Variants in GRID2 observed in about 807,000 individuals in gnomAD.
GRID2 encodes glutamate ionotropic receptor delta type subunit 2.
GRID2 carries 33 observed loss-of-function variants against 114.8 expected under a neutral mutation model. That is an observed-to-expected ratio of 0.29 (90% CI 0.22 to 0.38). GRID2 has a LOEUF of 0.38. Among genes scored for constraint, GRID2 ranks in the 10% least tolerant of loss-of-function variants. The pLI is 1.00. For synonymous variants in GRID2, 505 were observed against 449.9 expected, an observed-to-expected ratio of 1.12 and a Z score of -1.55; for missense variants, 1,184 against 1,257.7, an observed-to-expected ratio of 0.94 and a Z score of 0.89.
intron 14 of GRID2, among the ~76,000 whole-genome samples, chr4:93,673,020 G>A (rs1424774021): frequency 4.6e-5 from 7 of 152,144 alleles, no homozygotes; most frequent in East Asian, 3.9e-4. Flanking sequence ...ATTTATCAGC[G>A]GTAGAACCAA....
intron 8 of GRID2, among the ~76,000 whole-genome samples, chr4:93,300,899 C>A (rs1754804060): frequency 6.6e-6 from 1 of 152,132 alleles, no homozygotes. Flanking sequence ...CAGAGAGAAA[C>A]AGAACAGGGC....
chr4:93,073,508 C>T (rs1449113854), intron 2 of GRID2, among the ~76,000 whole-genome samples: 1 of 152,056 alleles, frequency 6.6e-6, no homozygotes, highest in East Asian at 1.9e-4. Context: ...GGCTATTGAT[C>T]GTTAAGTTTT....
intron 3 of GRID2, among the ~76,000 whole-genome samples, chr4:93,105,444 T>G (rs1021314982): frequency 2.0e-5 from 3 of 152,202 alleles, no homozygotes; most frequent in Non-Finnish European, 4.4e-5. Context: ...GTTTTAGGTC[T>G]AACGTTTAAG....
intron 10 of GRID2, among the ~76,000 whole-genome samples, chr4:93,446,416 T>C (rs1162093434): frequency 6.6e-6 from 1 of 152,004 alleles, no homozygotes; most frequent in African/African-American, 2.4e-5. Context: ...AATACCAGAA[T>C]AGGAAGAACT....
intron 14 of GRID2, among the ~76,000 whole-genome samples, chr4:93,630,348 G>T (rs1321478439): frequency 1.3e-5 from 2 of 152,090 alleles, no homozygotes; most frequent in Admixed American, 6.6e-5. Flanking sequence ...CTCATTAAAG[G>T]CATTCAAGAA....
chr4:93,448,311 C>T (rs1307721139), intron 10 of GRID2, among the ~76,000 whole-genome samples: 1 of 151,532 alleles, frequency 6.6e-6, no homozygotes, highest in Non-Finnish European at 1.5e-5. Flanking sequence ...AATAAAAGTG[C>T]AAATCTTTCT....
chr4:93,553,045 G>A (rs993052406), intron 13 of GRID2, among the ~76,000 whole-genome samples: 1 of 152,130 alleles, frequency 6.6e-6, no homozygotes, highest in Non-Finnish European at 1.5e-5. Context: ...ATGGACATTT[G>A]GGTTGGTTCC....
At chr4:93,350,068 A>G (rs1760647032) in intron 8 of GRID2, among the ~76,000 whole-genome samples, 1 of 152,046 alleles carries the variant, frequency 6.6e-6, no homozygotes, top group South Asian at 2.1e-4. Context: ...GTGCAGAGGA[A>G]GGTAGAACCA....
chr4:92,399,584 AC>A (rs1273452213), intron 1 of GRID2, among the ~76,000 whole-genome samples: 1 of 151,564 alleles, frequency 6.6e-6, no homozygotes, highest in Non-Finnish European at 1.5e-5. Flanking sequence ...CACAATTAAG[AC>A]CCTCCAATTA....
intron 4 of GRID2, among the ~76,000 whole-genome samples, chr4:93,138,381 C>A (rs558322151): frequency 2.6e-5 from 4 of 152,128 alleles, no homozygotes; most frequent in African/African-American, 9.6e-5. Context: ...TATATTATGC[C>A]CCTTGTGCTC....
At chr4:92,451,061 G>C (rs926547136) in intron 1 of GRID2, among the ~76,000 whole-genome samples, 1 of 151,916 alleles carries the variant, frequency 6.6e-6, no homozygotes, top group Non-Finnish European at 1.5e-5. Flanking sequence ...ATGCACTTTT[G>C]CAGTTGTCAA....
At chr4:92,689,835 G>A (rs537515786) in intron 2 of GRID2, among the ~76,000 whole-genome samples, 2 of 152,204 alleles carry the variant, frequency 1.3e-5, no homozygotes, top group South Asian at 4.1e-4. Flanking sequence ...TAAACTTCAT[G>A]AACCAACCTC....
At chr4:93,309,941 T>G (rs1755838477) in intron 8 of GRID2, among the ~76,000 whole-genome samples, 1 of 152,196 alleles carries the variant, frequency 6.6e-6, no homozygotes. Context: ...TATTAATTGT[T>G]TATACATATT....
At chr4:93,034,985 C>T (rs1042129207) in intron 2 of GRID2, among the ~76,000 whole-genome samples, 3 of 152,070 alleles carry the variant, frequency 2.0e-5, no homozygotes, top group East Asian at 1.9e-4. Flanking sequence ...TTCCAGTACA[C>T]GACTACATTA....
At chr4:92,789,300 C>T (rs1331839852) in intron 2 of GRID2, among the ~76,000 whole-genome samples, 1 of 151,826 alleles carries the variant, frequency 6.6e-6, no homozygotes, top group Non-Finnish European at 1.5e-5. Context: ...GATTTTTATT[C>T]ATGTTGATTT....
intron 2 of GRID2, among the ~76,000 whole-genome samples, chr4:92,823,457 G>C (rs1226989548): frequency 6.6e-6 from 1 of 152,132 alleles, no homozygotes; most frequent in Admixed American, 6.6e-5. Context: ...AGAGAAATCA[G>C]CTCAGGGAAG....
chr4:92,698,227 C>G (rs914899457), intron 2 of GRID2, among the ~76,000 whole-genome samples: 4 of 152,110 alleles, frequency 2.6e-5, no homozygotes, highest in African/African-American at 9.7e-5. Context: ...AATTAATGTT[C>G]TGATTTCAGC....
At chr4:92,391,638 A>G (rs79857363) in intron 1 of GRID2, among the ~76,000 whole-genome samples, 3,350 of 152,300 alleles carry the variant, frequency 0.022, 129 homozygotes, top group African/African-American at 0.077. Flanking sequence ...ATGTTAAAAT[A>G]TGGAATAAAT....
At chr4:92,894,684 G>A (rs147050167) in intron 2 of GRID2, among the ~76,000 whole-genome samples, 3 of 152,044 alleles carry the variant, frequency 2.0e-5, no homozygotes, top group African/African-American at 7.2e-5. Context: ...AAGAACAATT[G>A]TCTAACTGAA....
Sources: gnomAD v4.1 joint callset for allele counts (sites outside exome capture counted in the v4.1 genomes callset) on GRCh38, gnomAD v4.1.1 for gene constraint, MANE v1.5 for transcripts, NCBI Gene and HGNC (gene_info 2026-07-23, HGNC 2026-07-21) for gene names.